Variants in CACNA2D4 observed in about 807,000 individuals in gnomAD.
CACNA2D4 encodes calcium voltage-gated channel auxiliary subunit alpha2delta 4.
In CACNA2D4, 157 loss-of-function variants were observed where a neutral mutation model predicts 163.8. That is an observed-to-expected ratio of 0.96 (90% confidence interval 0.84 to 1.09). CACNA2D4 has a LOEUF of 1.09. Ranked by LOEUF, CACNA2D4 falls within the 50% of genes least tolerant of loss-of-function variation. The pLI, the probability that CACNA2D4 is intolerant of heterozygous loss-of-function variation, is 0.00. For missense variants in CACNA2D4, 1,410 were observed against 1,479.9 expected, an observed-to-expected ratio of 0.95 and a Z score of 0.78; for synonymous variants, 598 against 586.9, an observed-to-expected ratio of 1.02 and a Z score of -0.27.
At chr12:1,910,843 G>A (rs1466822426) in intron 3 of CACNA2D4, among the ~76,000 whole-genome samples, 1 of 152,150 alleles carries the variant, frequency 6.6e-6, no homozygotes, top group Non-Finnish European at 1.5e-5. Context: ...GCAGAGCTAA[G>A]AGGAAGGGGA....
chr12:1,795,324 T>C lies in CACNA2D4; in HGVS notation c.3284A>G (p.Asp1095Gly), dbSNP rs1463485047. Residue 1095 changes from aspartate to glycine, a missense_variant, in exon 37 of 38, where the codon GAC (aspartate) becomes GGC (glycine). Asp to Gly is a moderately conservative substitution (Grantham distance 94, BLOSUM62 -1). Transcript: ENST00000382722. ...CTCTGGATGGAAGGCGTGGCAGGAG[T>C]CTGGTCGCCGGCGGAGCTTCTGGGA... ...MRSQKLRRRP[D>G]SCHAFHPEEN... 1.9e-6 allele frequency: 3 copies of C among 1,612,612 alleles called. No individual in the cohort carries two copies. Among genetic ancestry groups the C allele is most frequent in the Admixed American group, 3.3e-5 (2 of 59,970 alleles).
chr12:1,804,726 G>T (rs1225674372), intron 29 of CACNA2D4, among the ~76,000 whole-genome samples: 5 of 152,242 alleles, frequency 3.3e-5, no homozygotes, highest in African/African-American at 1.2e-4. Flanking sequence ...CGGGCCCAAG[G>T]CCTCCTGCCT....
intron 35 of CACNA2D4, among the ~76,000 whole-genome samples, chr12:1,796,334 C>T (rs1275014867): frequency 1.3e-5 from 2 of 152,240 alleles, no homozygotes; most frequent in Non-Finnish European, 2.9e-5. Context: ...TGGGCGGTCT[C>T]ACACACCCAA....
At chr12:1,803,880 C>A (rs951013344) in intron 29 of CACNA2D4, among the ~76,000 whole-genome samples, 1 of 152,194 alleles carries the variant, frequency 6.6e-6, no homozygotes, top group Non-Finnish European at 1.5e-5. Flanking sequence ...CCGGCACCTC[C>A]TACGGTGGTG....
intron 35 of CACNA2D4, 51 bp from the exon 36 acceptor site, chr12:1,795,831 G>GAA: frequency 1.7e-6 from 2 of 1,162,908 alleles, no homozygotes; most frequent in Non-Finnish European, 2.6e-6. Flanking sequence ...CCACGAGAAG[G>GAA]GCTTCTAGGG....
rs753443034 is a variant in CACNA2D4 at position 1,793,791 on chromosome 12, C to A, written c.3310-32G>T. On this transcript the variant is annotated intron_variant, in intron 37 of 37. Transcript: ENST00000382722. The stretch of plus-strand genomic sequence containing the variant: ...ACGCAGAGCAGAGGTGACAGCGCGG[C>A]GCTCAGAGGAGGACCCTCAAAAAGG... 14 of 1,577,788 alleles carry A rather than the reference C, an allele frequency of 8.9e-6. No homozygotes were observed. The East Asian group carries it at 3.1e-4, about 35-fold the overall frequency.
At chr12:1,845,234 AG>A (rs1865117234) in intron 24 of CACNA2D4, among the ~76,000 whole-genome samples, 1 of 151,958 alleles carries the variant, frequency 6.6e-6, no homozygotes, top group Admixed American at 6.6e-5. Context: ...GGGTGAAGGG[AG>A]CCCCTGGGAG....
At chr12:1,842,595 G>A (rs927174045) in intron 25 of CACNA2D4, among the ~76,000 whole-genome samples, 2 of 152,208 alleles carry the variant, frequency 1.3e-5, no homozygotes, top group East Asian at 1.9e-4. Context: ...TTTTCTCCTC[G>A]TGGCTCAGCT....
chr12:1,902,917 A>G (rs906517282), intron 6 of CACNA2D4, among the ~76,000 whole-genome samples: 13 of 152,168 alleles, frequency 8.5e-5, no homozygotes, highest in Non-Finnish European at 2.9e-5. Flanking sequence ...AGTTATCCTG[A>G]GCAAAAAGAA....
Position 1,798,921 on chromosome 12 carries a change from G to A in CACNA2D4, c.2995+754C>T, listed in dbSNP as rs542882155. On this transcript the variant is annotated intron_variant, in intron 34 of 37. Transcript: ENST00000382722. The surrounding 1 kb of genome is among the most constrained non-coding windows in gnomAD (Gnocchi z 4.3). ...ACAGCCCGAACTGCCCTGAGCCCAGGGGCAGAGGAAGCCCCAAGCCAAGGC... is the reference window on the plus strand; with the variant it reads ...ACAGCCCGAACTGCCCTGAGCCCAGAGGCAGAGGAAGCCCCAAGCCAAGGC... Among the ~76,000 whole-genome samples, 1 of 152,230 alleles carries A rather than the reference G, an allele frequency of 6.6e-6. No individual in the cohort carries two copies. Among genetic ancestry groups the A allele is most frequent in the Non-Finnish European group, 1.5e-5 (1 of 68,026 alleles).
chr12:1,914,933 A>G lies in CACNA2D4; in HGVS notation c.230T>C (p.Val77Ala). The G allele has an allele frequency of 1.9e-6, 3 of 1,611,632 alleles. No individual in the cohort carries two copies. The highest frequency in any genetic ancestry group is 2.5e-6 in the Non-Finnish European group (3 of 1,177,810). ...WGQAKIPLETVKLWADTFGGD... is the reference protein window; with the variant it reads ...WGQAKIPLETAKLWADTFGGD... ...GCCGAAGGTGTCAGCCCATAGCTTC[A>G]CTCTGCCAGGCAATGAAAGGACACG... The change falls in exon 2 of 38, where the codon GTG becomes GCG. Residue 77 changes from valine (V) to alanine (A), a missense_variant and splice_region_variant. Transcript: ENST00000382722.
Position 1,810,551 on chromosome 12 carries a change from C to T in CACNA2D4, c.2650G>A (p.Glu884Lys), listed in dbSNP as rs368718572. Residue 884 changes from glutamate (E) to lysine (K), a missense_variant, in exon 28 of 38, where the codon GAG becomes AAG. Coordinates refer to ENST00000382722, the MANE Select transcript of CACNA2D4 (RefSeq NM_172364.5). The stretch of plus-strand genomic sequence containing the variant: ...ACACGGGCAGAACTTACACTGTCCT[C>T]GCAGCTCTGTGTGCACGGCCCATCC... ...TVDGPCTQSC[E>K]DSDLDCFVID... 9.0e-6 allele frequency: 14 copies of T among 1,553,568 alleles called. No homozygotes were observed. In the East Asian group the frequency reaches 9.8e-5, roughly 11 times the overall value.
rs1864431989 is a variant in CACNA2D4 at position 1,828,083 on chromosome 12, A to G, written c.2551+12656T>C. On this transcript the variant is annotated intron_variant, in intron 26 of 37. Coordinates refer to ENST00000382722, the MANE Select transcript of CACNA2D4 (RefSeq NM_172364.5). This position sits in a 1 kb window ranked among gnomAD's most constrained non-coding sequence, Gnocchi z 4.2. ...TGCTCCTCCCTCCCTCAGGACTGAC[A>G]GGCGGCGCACCCAGGGGCTCCTCTC... 7.0e-7 allele frequency: 1 copy of G among 1,420,326 alleles called. No homozygotes were observed. The highest frequency in any genetic ancestry group is 2.6e-5 in the Admixed American group (1 of 38,658). 88.0% of individuals were successfully genotyped at this position (1,420,326 alleles called of 1,614,324 possible). A position where few individuals can be genotyped will look rare whatever the true frequency, so the allele number is the denominator to read the frequency against.
At chr12:1,862,624 G>A (rs528419980) in intron 18 of CACNA2D4, among the ~76,000 whole-genome samples, 1 of 152,224 alleles carries the variant, frequency 6.6e-6, no homozygotes, top group South Asian at 2.1e-4. Context: ...TGTTGGCCAG[G>A]CTGGTCTTGA....
intron 26 of CACNA2D4, chr12:1,831,258 C>G (rs767359620): frequency 6.2e-7 from 1 of 1,613,846 alleles, no homozygotes; most frequent in East Asian, 2.2e-5. Context: ...CATCAGGACC[C>G]TGGACAGGGA....
In CACNA2D4 at chr12:1,885,042, T is replaced by G. The variant is rs1866102203; in HGVS notation, c.1103A>C (p.Lys368Thr). The change falls in exon 10 of 38, where the codon AAA becomes ACA. Residue 368 changes from lysine (K) to threonine (T), a missense_variant. Lys to Thr is a moderately conservative substitution (Grantham distance 78). Transcript: ENST00000382722. ...FKLLVEELMV[K>T]GVGVVDQALR... ...GGCTTGGTCCACGACCCCCACACCT[T>G]TGACCATCAACTCCTCCACCAGCAG... 6.2e-7 allele frequency: 1 copy of G among 1,613,870 alleles called. No homozygotes were observed. Among genetic ancestry groups the G allele is most frequent in the South Asian group, 1.1e-5 (1 of 91,078 alleles).
Position 1,875,467 on chromosome 12 carries a change from ATTAC to A in CACNA2D4, c.1720-134_1720-131del, listed in dbSNP as rs1865863761. The A allele has an allele frequency of 4.5e-6, 3 of 665,822 alleles. No individual in the cohort carries two copies. Among genetic ancestry groups the A allele is most frequent in the Admixed American group, 4.3e-5 (2 of 46,332 alleles). 41.2% of individuals were successfully genotyped at this position (665,822 alleles called of 1,614,324 possible). ...TCCTTAGAAATCAATCAATCCAGTA[ATTAC>A]TTAAGGTTATCTGGGCAAATTCCAC... On this transcript the variant is annotated intron_variant, in intron 16 of 37. Transcript: ENST00000382722. This position sits in a 1 kb window ranked among gnomAD's most constrained non-coding sequence, Gnocchi z 4.0.
intron 26 of CACNA2D4, among the ~76,000 whole-genome samples, chr12:1,823,525 C>T (rs1864195111): frequency 6.6e-6 from 1 of 152,008 alleles, no homozygotes; most frequent in African/African-American, 2.4e-5. Context: ...GCATGTGGAA[C>T]CCCCTGCTCC....
chr12:1,894,393 G>A (rs1359256413), intron 6 of CACNA2D4, among the ~76,000 whole-genome samples: 2 of 152,110 alleles, frequency 1.3e-5, no homozygotes, highest in African/African-American at 4.8e-5. Flanking sequence ...TGTGAGGCCA[G>A]CATTACTCTA....
Sources: gnomAD v4.1 joint callset for allele counts (sites outside exome capture counted in the v4.1 genomes callset) on GRCh38, gnomAD v4.1.1 for gene constraint, Gnocchi (gnomAD v3.1) non-coding constraint, MANE v1.5 for transcripts, NCBI Gene and HGNC (gene_info 2026-07-23, HGNC 2026-07-21) for gene names.